The following ADAMTSL1 variants were observed in gnomAD, a reference collection of about 807,000 sequenced individuals.
ADAMTSL1 encodes the protein ADAMTS-like protein 1.
Under a neutral mutation model 201.8 loss-of-function variants are expected in ADAMTSL1, and 126 were observed. The ratio of observed to expected loss-of-function variants is 0.62; its 90% CI spans 0.54 to 0.72. The LOEUF (loss-of-function observed/expected upper bound fraction) is 0.72, where lower values mean the gene tolerates loss of function less well. ADAMTSL1 is among the 30% of genes least tolerant of loss of function. The pLI, the probability that ADAMTSL1 is intolerant of heterozygous loss-of-function variation, is 0.00. For missense variants in ADAMTSL1, 2,679 were observed against 2,277.8 expected (o/e 1.18, Z -3.59); for synonymous variants, 1,121 against 903.4 (o/e 1.24, Z -4.32).
intron 2 of ADAMTSL1, among the ~76,000 whole-genome samples, chr9:18,337,968 C>T (rs1452577027): frequency 5.3e-5 from 8 of 151,942 alleles, no homozygotes; most frequent in South Asian, 2.1e-4. Context: ...TGGTCAAGCC[C>T]GGCTTGGTTA....
At chr9:18,796,885 C>T (rs774492891) in intron 20 of ADAMTSL1, 1 of 152,238 alleles carries the variant, frequency 6.6e-6, no homozygotes, top group Non-Finnish European at 1.5e-5. Flanking sequence ...CTGCTGACAT[C>T]TTTCCACTTG....
At chr9:18,590,443 TG>T (rs1823834538) in intron 4 of ADAMTSL1, among the ~76,000 whole-genome samples, 1 of 151,746 alleles carries the variant, frequency 6.6e-6, no homozygotes, top group Non-Finnish European at 1.5e-5. Context: ...TTGTTGATGT[TG>T]TTTATCTTTT....
intron 4 of ADAMTSL1, among the ~76,000 whole-genome samples, chr9:18,594,421 C>A (rs551930283): frequency 8.5e-5 from 13 of 152,210 alleles, no homozygotes; most frequent in South Asian, 2.1e-4. Context: ...TGTCTCTACA[C>A]CTTTCTTTCT....
chr9:18,123,802 A>T (rs1316684816), intron 1 of ADAMTSL1, among the ~76,000 whole-genome samples: 1 of 152,182 alleles, frequency 6.6e-6, no homozygotes, highest in Non-Finnish European at 1.5e-5. Flanking sequence ...AATCTATTTC[A>T]TATCTCTGGA....
chr9:18,897,015 T>C (rs1485279998), intron 26 of ADAMTSL1, among the ~76,000 whole-genome samples: 1 of 152,186 alleles, frequency 6.6e-6, no homozygotes, highest in African/African-American at 2.4e-5. Context: ...GTAGCCACCA[T>C]TTCTGTGCTT....
intron 1 of ADAMTSL1, among the ~76,000 whole-genome samples, chr9:17,959,755 C>T (rs955426139): frequency 6.6e-6 from 1 of 152,178 alleles, no homozygotes; most frequent in Non-Finnish European, 1.5e-5. Context: ...TGCACTCAGC[C>T]TTGACATTTT....
At chr9:18,451,748 C>T in intron 2 of ADAMTSL1, among the ~76,000 whole-genome samples, 1 of 152,206 alleles carries the variant, frequency 6.6e-6, no homozygotes, top group Non-Finnish European at 1.5e-5. Flanking sequence ...TAACAGAATA[C>T]TACAGGCTAC....
chr9:18,408,626 A>G (rs1818303855), intron 2 of ADAMTSL1, among the ~76,000 whole-genome samples: 1 of 152,222 alleles, frequency 6.6e-6, no homozygotes, highest in Admixed American at 6.5e-5. Flanking sequence ...CCTACTGAAA[A>G]TATTATAAAA....
chr9:18,305,168 T>G (rs1431653325), intron 2 of ADAMTSL1, among the ~76,000 whole-genome samples: 4 of 152,216 alleles, frequency 2.6e-5, no homozygotes. Context: ...AACACTGCAC[T>G]CTGGCCCAGA....
chr9:18,391,852 C>A (rs57653552), intron 2 of ADAMTSL1, among the ~76,000 whole-genome samples: 3 of 120,076 alleles, frequency 2.5e-5, no homozygotes, highest in African/African-American at 9.2e-5. Flanking sequence ...TGAGATGGAG[C>A]CTCGCTCTGC....
At chr9:18,043,157 T>C (rs927945598) in intron 1 of ADAMTSL1, among the ~76,000 whole-genome samples, 1 of 152,112 alleles carries the variant, frequency 6.6e-6, no homozygotes, top group African/African-American at 2.4e-5. Context: ...CAATGGTGTA[T>C]ATTTATATGC....
intron 1 of ADAMTSL1, among the ~76,000 whole-genome samples, chr9:18,032,272 C>T (rs1030575841): frequency 2.6e-5 from 4 of 152,182 alleles, no homozygotes; most frequent in Non-Finnish European, 5.9e-5. Flanking sequence ...TCCTCCTCTG[C>T]CCAAGCTCTG....
rs562950075 is a variant in ADAMTSL1, at chr9:18,579,414, G to A, written c.474+5148G>A. On this transcript the variant is annotated intron_variant, in intron 4 of 28. Transcript: ENST00000380548. ...AATGCTAGATGACGAGTTAGTGGGT[G>A]CAGCACACCAGCATGGCACATGTAT... 1.2e-3 allele frequency among the ~76,000 whole-genome samples: 176 copies of A among 149,118 alleles called. 1 individual carries two copies. The highest frequency in any genetic ancestry group is 3.4e-3 in the Middle Eastern group (1 of 292).
chr9:18,392,611 C>CTG (rs1186473046), intron 2 of ADAMTSL1, among the ~76,000 whole-genome samples: 3 of 152,176 alleles, frequency 2.0e-5, no homozygotes, highest in Non-Finnish European at 2.9e-5. Context: ...TCCAGGCTAC[C>CTG]TGTGTGTACA....
At chr9:18,865,275 G>C (rs1353990812) in intron 23 of ADAMTSL1, among the ~76,000 whole-genome samples, 1 of 151,956 alleles carries the variant, frequency 6.6e-6, no homozygotes, top group Non-Finnish European at 1.5e-5. Context: ...CCACCTATGA[G>C]TGAAAACATG....
rs12004724 is a variant in ADAMTSL1 at position 18,130,455 on chromosome 9, T to A, written c.88-33407T>A. Among the ~76,000 whole-genome samples the A allele has an allele frequency of 8.6e-3, 1,303 of 152,308 alleles. 13 individuals are homozygous for A. The highest frequency in any genetic ancestry group is 0.03 in the African/African-American group (1,256 of 41,574). On this transcript the variant is annotated intron_variant, in intron 1 of 29. Transcript: ENST00000680146. ...TCACAATGACATTTCTGATGAAAATTTGACCAATTATTTATGCACATCTGT... is the reference window on the plus strand; with the variant it reads ...TCACAATGACATTTCTGATGAAAATATGACCAATTATTTATGCACATCTGT...
At chr9:18,534,899 G>A (rs1458567326) in intron 3 of ADAMTSL1, among the ~76,000 whole-genome samples, 1 of 152,192 alleles carries the variant, frequency 6.6e-6, no homozygotes, top group African/African-American at 2.4e-5. Flanking sequence ...AGAGCAGGGG[G>A]CCACAGACCT....
intron 3 of ADAMTSL1, among the ~76,000 whole-genome samples, chr9:18,563,746 A>G (rs779116429): frequency 6.6e-5 from 10 of 152,214 alleles, no homozygotes; most frequent in Non-Finnish European, 4.4e-5. Context: ...GTCTGGCTAC[A>G]GCAGCTTTGC....
At chr9:18,322,683 A>C (rs918551144) in intron 2 of ADAMTSL1, among the ~76,000 whole-genome samples, 2 of 152,104 alleles carry the variant, frequency 1.3e-5, no homozygotes, top group African/African-American at 4.8e-5. Flanking sequence ...CGTTAGCAAT[A>C]CCAATAGAGG....
Sources: gnomAD v4.1 joint callset for allele counts (sites outside exome capture counted in the v4.1 genomes callset) on GRCh38, gnomAD v4.1.1 for gene constraint, MANE v1.5 for transcripts, NCBI Gene and HGNC (gene_info 2026-07-23, HGNC 2026-07-21) for gene names.